Variants in CTNNBIP1 observed in about 807,000 individuals in gnomAD.
CTNNBIP1 encodes the protein catenin beta interacting protein 1.
A neutral mutation model predicts 11.8 loss-of-function variants in CTNNBIP1; 7 were observed. That is an observed-to-expected ratio of 0.60 (90% CI 0.34 to 1.12). CTNNBIP1 has a LOEUF of 1.12. CTNNBIP1 is among the 50% of genes most tolerant of loss of function. The probability of loss-of-function intolerance (pLI) is 0.03; values close to 1 mark genes in which losing one functional copy is unlikely to be tolerated. For missense variants in CTNNBIP1, 101 were observed against 113.4 expected (o/e 0.89, Z 0.50); for synonymous variants, 58 against 43.9 (o/e 1.32, Z -1.26).
rs961296125 is a variant in CTNNBIP1 at position 9,851,366 on chromosome 1, TTTTC to T, written c.188-594_188-591del. ...CCTTCTTTTTCTTTTTCTTTTTCCTTTTTCTTTCTTTTTTTTGTGTGTGATATGG... is the reference window on the plus strand; with the variant it reads ...CCTTCTTTTTCTTTTTCTTTTTCCTTTTTCTTTTTTTTGTGTGTGATATGG... On this transcript the variant is annotated intron_variant, in intron 5 of 5. Coordinates refer to ENST00000377263, the MANE Select transcript of CTNNBIP1 (RefSeq NM_020248.3). This position sits in a 1 kb window ranked among gnomAD's most constrained non-coding sequence, Gnocchi z 4.8. Among the ~76,000 whole-genome samples the T allele has an allele frequency of 6.6e-6, 1 of 150,568 alleles. No individual in the cohort carries two copies. The highest frequency in any genetic ancestry group is 2.5e-5 in the African/African-American group (1 of 39,934).
chr1:9,894,827 G>A (rs1231571317), intron 1 of CTNNBIP1, among the ~76,000 whole-genome samples: 2 of 151,174 alleles, frequency 1.3e-5, no homozygotes, highest in African/African-American at 2.4e-5. Flanking sequence ...TGCAATTTCC[G>A]CCTCCCGGGT....
chr1:9,878,110 G>C (rs920511094), intron 2 of CTNNBIP1, 121 bp from the exon 3 acceptor site: 4 of 152,492 alleles, frequency 2.6e-5, no homozygotes, highest in Admixed American at 6.5e-5. Flanking sequence ...GAAGCTCATG[G>C]AGCTGGGTTC....
intron 5 of CTNNBIP1, among the ~76,000 whole-genome samples, chr1:9,870,970 T>C (rs1395655989): frequency 6.6e-6 from 1 of 152,200 alleles, no homozygotes; most frequent in Non-Finnish European, 1.5e-5. Flanking sequence ...GTAGAGTCTT[T>C]GGCTCCCACC....
At chr1:9,854,194 G>A (rs938126770) in intron 5 of CTNNBIP1, among the ~76,000 whole-genome samples, 40 of 152,184 alleles carry the variant, frequency 2.6e-4, no homozygotes, top group African/African-American at 9.4e-4. Context: ...GACCAACATG[G>A]TGAAACCCCA....
At chr1:9,899,011 G>A (rs1639467471) in intron 1 of CTNNBIP1, among the ~76,000 whole-genome samples, 1 of 151,878 alleles carries the variant, frequency 6.6e-6, no homozygotes, top group South Asian at 2.1e-4. Flanking sequence ...AGGTTTTTGG[G>A]GAACAGGTGG....
At chr1:9,859,390 A>G (rs1271442663) in intron 5 of CTNNBIP1, among the ~76,000 whole-genome samples, 1 of 152,204 alleles carries the variant, frequency 6.6e-6, no homozygotes, top group Non-Finnish European at 1.5e-5. Context: ...GCTGGCCCCT[A>G]GCCGGGGGCG....
chr1:9,905,584 G>A lies in CTNNBIP1; in HGVS notation c.-144+4511C>T, dbSNP rs1484870475. Among the ~76,000 whole-genome samples the A allele has an allele frequency of 2.0e-5, 3 of 151,588 alleles. 1 individual carries two copies. Among genetic ancestry groups the A allele is most frequent in the South Asian group, 4.2e-4 (2 of 4,798 alleles). On this transcript the variant is annotated intron_variant, in intron 1 of 5. Coordinates refer to ENST00000377263, the MANE Select transcript of CTNNBIP1 (RefSeq NM_020248.3). ...ACTACAGGCGCCCGCCCCCATGCCCGGCTAATTTTTTTTTTTTTTGTATTT... is the reference window on the plus strand; with the variant it reads ...ACTACAGGCGCCCGCCCCCATGCCCAGCTAATTTTTTTTTTTTTTGTATTT...
chr1:9,880,437 A>C (rs778018957), intron 2 of CTNNBIP1, among the ~76,000 whole-genome samples: 10 of 152,206 alleles, frequency 6.6e-5, no homozygotes, highest in Admixed American at 3.9e-4. Flanking sequence ...TGCAATAAAC[A>C]TAAGTGTGCA....
chr1:9,848,817 G>A lies in CTNNBIP1; in HGVS notation c.*1901C>T, dbSNP rs540792914. The A allele has an allele frequency of 6.6e-6, 1 of 152,298 alleles. No homozygotes were observed. The highest frequency in any genetic ancestry group is 1.5e-5 in the Non-Finnish European group (1 of 68,110). 9.4% of individuals were successfully genotyped at this position (152,298 alleles called of 1,614,324 possible). ...GTGAGTGCATGGTGGAGGACACAGG[G>A]TCTTAGCCTGATGCTCGAATCCTCC... On this transcript the variant is annotated 3_prime_UTR_variant, in exon 6 of 6. Transcript: ENST00000377263. This position sits in a 1 kb window ranked among gnomAD's most constrained non-coding sequence, Gnocchi z 4.3.
At chr1:9,862,823 C>T (rs574415504) in intron 5 of CTNNBIP1, among the ~76,000 whole-genome samples, 6 of 152,334 alleles carry the variant, frequency 3.9e-5, no homozygotes, top group Admixed American at 1.3e-4. Context: ...CAGGAGCTCA[C>T]GGGCAGTGCT....
At chr1:9,885,402 C>T (rs1639166252) in intron 1 of CTNNBIP1, among the ~76,000 whole-genome samples, 1 of 152,086 alleles carries the variant, frequency 6.6e-6, no homozygotes, top group Non-Finnish European at 1.5e-5. Flanking sequence ...GCACCTACCT[C>T]AAGGGCAGGT....
intron 5 of CTNNBIP1, among the ~76,000 whole-genome samples, chr1:9,869,368 T>TGTTTG (rs1638811550): frequency 6.6e-6 from 1 of 151,924 alleles, no homozygotes; most frequent in African/African-American, 2.4e-5. Context: ...GCTGGGGTTT[T>TGTTTG]GTTTTGTTTT....
rs564100484 is a variant in CTNNBIP1, at chr1:9,849,754, C to A, written c.*964G>T. 2.2e-4 allele frequency: 33 copies of A among 152,332 alleles called. No individual in the cohort carries two copies. Among genetic ancestry groups the A allele is most frequent in the African/African-American group, 8.0e-4 (33 of 41,464 alleles). The allele number at this position is 152,332 out of a possible 1,614,324, so 9.4% of individuals were successfully genotyped here. On this transcript the variant is annotated 3_prime_UTR_variant, in exon 6 of 6. Coordinates refer to ENST00000377263, the MANE Select transcript of CTNNBIP1 (RefSeq NM_020248.3). ...CGCGGCCTGGCCGGTGGGGCCTGGACGGTGCCTCAGCAATCCCTTTCTCAC... is the reference window on the plus strand; with the variant it reads ...CGCGGCCTGGCCGGTGGGGCCTGGAAGGTGCCTCAGCAATCCCTTTCTCAC...
chr1:9,868,480 C>T (rs1050465571), intron 5 of CTNNBIP1, among the ~76,000 whole-genome samples: 3 of 152,182 alleles, frequency 2.0e-5, no homozygotes, highest in African/African-American at 4.8e-5. Flanking sequence ...ACTGTGGGTT[C>T]GGCTAGGCAA....
intron 1 of CTNNBIP1, among the ~76,000 whole-genome samples, chr1:9,898,720 C>A (rs1448550417): frequency 3.3e-5 from 5 of 152,070 alleles, no homozygotes; most frequent in Non-Finnish European, 5.9e-5. Context: ...GGCTCCAGGA[C>A]CCCTACACAG....
chr1:9,877,105 A>G (rs1022785437), intron 3 of CTNNBIP1, among the ~76,000 whole-genome samples: 3 of 152,174 alleles, frequency 2.0e-5, no homozygotes, highest in African/African-American at 7.2e-5. Context: ...CCTAATCTCG[A>G]CCACCATGTA....
intron 2 of CTNNBIP1, among the ~76,000 whole-genome samples, chr1:9,878,332 G>T (rs1390358017): frequency 6.6e-6 from 1 of 152,212 alleles, no homozygotes; most frequent in Non-Finnish European, 1.5e-5. Flanking sequence ...GGACCAGAAT[G>T]CATCACTCCA....
chr1:9,888,073 C>A (rs1041172076), intron 1 of CTNNBIP1, among the ~76,000 whole-genome samples: 2 of 151,866 alleles, frequency 1.3e-5, no homozygotes, highest in African/African-American at 4.8e-5. Flanking sequence ...ATCCACCTGC[C>A]TCAGCCTCCC....
intron 5 of CTNNBIP1, among the ~76,000 whole-genome samples, chr1:9,855,706 G>T (rs1297506580): frequency 6.7e-6 from 1 of 149,894 alleles, no homozygotes; most frequent in African/African-American, 2.4e-5. Context: ...AAATTTTTAT[G>T]ACCTTGGATT....
Sources: allele counts gnomAD v4.1 joint callset (sites outside exome capture counted in the v4.1 genomes callset), GRCh38; gene constraint gnomAD v4.1.1; non-coding constraint Gnocchi (gnomAD v3.1); transcripts MANE v1.5; gene names NCBI Gene and HGNC (gene_info 2026-07-23, HGNC 2026-07-21).